AGAP1: variants seen among roughly 807,000 people sequenced by gnomAD.
AGAP1 encodes arf-GAP with GTPase, ANK repeat and PH domain-containing protein 1.
Under a neutral mutation model 105.3 loss-of-function variants are expected in AGAP1, and 29 were observed. The ratio of observed to expected loss-of-function variants is 0.28; its 90% confidence interval spans 0.21 to 0.38. The LOEUF is 0.38. Ranked by LOEUF, AGAP1 falls within the 10% of genes least tolerant of loss-of-function variation. AGAP1 has a pLI of 1.00. For missense variants in AGAP1, 998 were observed against 1,165.1 expected, an observed-to-expected ratio of 0.86 and a Z score of 2.09; for synonymous variants, 509 against 485.9, an observed-to-expected ratio of 1.05 and a Z score of -0.63.
chr2:236,028,481 A>G (rs958588217), intron 13 of AGAP1, among the ~76,000 whole-genome samples: 1 of 152,198 alleles, frequency 6.6e-6, no homozygotes, highest in African/African-American at 2.4e-5. Flanking sequence ...AGAGATAGAA[A>G]TATATGTCTA....
rs995758997 is a variant in AGAP1 at position 236,109,639 on chromosome 2, C to T, written c.2115-10553C>T. ...AGTGTCGGTGTTCTAGACCGGCAGC[C>T]GTGGGAACGTCCTAGTCGGCGGCAG... On this transcript the variant is annotated intron_variant, in intron 16 of 17. Transcript: ENST00000304032. This position sits in a 1 kb window ranked among gnomAD's most constrained non-coding sequence, Gnocchi z 5.4. 1.3e-5 allele frequency among the ~76,000 whole-genome samples: 2 copies of T among 152,150 alleles called. No individual in the cohort carries two copies. Among genetic ancestry groups the T allele is most frequent in the African/African-American group, 4.8e-5 (2 of 41,446 alleles).
intron 11 of AGAP1, among the ~76,000 whole-genome samples, chr2:235,922,980 C>T (rs1337683256): frequency 1.3e-5 from 2 of 152,180 alleles, no homozygotes; most frequent in Non-Finnish European, 2.9e-5. Flanking sequence ...CAAGGCAGCT[C>T]AGTAAGCACA....
chr2:235,703,463 C>T lies in AGAP1; in HGVS notation c.164-5716C>T, dbSNP rs533315662. On this transcript the variant is annotated intron_variant, in intron 1 of 17. Transcript: ENST00000304032. Reference sequence around the variant, plus strand: ...AGAGCTTCCTCTGTGGGTAGTTGGGCCCTTTCCCAGGCATCCTGCCACCTC... The same window carrying T: ...AGAGCTTCCTCTGTGGGTAGTTGGGTCCTTTCCCAGGCATCCTGCCACCTC... Among the ~76,000 whole-genome samples the T allele has an allele frequency of 5.9e-5, 9 of 152,236 alleles. No homozygotes were observed. The South Asian group carries it at 1.7e-3, about 28-fold the overall frequency.
At position 235,574,887 on chromosome 2, in the gene AGAP1, C is replaced by A. The variant is rs1464634109; in HGVS notation, c.163+80038C>A. Among the ~76,000 whole-genome samples the A allele has an allele frequency of 6.6e-6, 1 of 152,142 alleles. No homozygotes were observed. The highest frequency in any genetic ancestry group is 2.4e-5 in the African/African-American group (1 of 41,444). ...CGTGTAATTCTAGCACTTAGGGAGGCCGAGGCAAATGGATCACTTGAGCTC... is the reference window on the plus strand; with the variant it reads ...CGTGTAATTCTAGCACTTAGGGAGGACGAGGCAAATGGATCACTTGAGCTC... On this transcript the variant is annotated intron_variant, in intron 1 of 17. Transcript: ENST00000304032. The surrounding 1 kb of genome is among the most constrained non-coding windows in gnomAD (Gnocchi z 5.0).
At chr2:235,940,339 A>C (rs889471425) in intron 12 of AGAP1, among the ~76,000 whole-genome samples, 12 of 152,190 alleles carry the variant, frequency 7.9e-5, no homozygotes, top group Non-Finnish European at 1.3e-4. Context: ...TTTTAAAAAA[A>C]CAAAACATGA....
At chr2:235,898,347 A>G (rs1395952181) in intron 10 of AGAP1, among the ~76,000 whole-genome samples, 3 of 151,486 alleles carry the variant, frequency 2.0e-5, no homozygotes, top group Non-Finnish European at 4.4e-5. Flanking sequence ...CATCTTTTCC[A>G]GACGGCATTT....
intron 1 of AGAP1, among the ~76,000 whole-genome samples, chr2:235,638,273 G>C (rs1330319630): frequency 6.6e-6 from 1 of 152,136 alleles, no homozygotes; most frequent in African/African-American, 2.4e-5. Flanking sequence ...GGTTCGATCA[G>C]ATTACCCTGA....
chr2:235,531,841 A>G (rs566109099), intron 1 of AGAP1, among the ~76,000 whole-genome samples: 5 of 147,028 alleles, frequency 3.4e-5, no homozygotes, highest in Admixed American at 6.8e-5. Flanking sequence ...CGAACTCCTG[A>G]CCTTCGTTGA....
At chr2:235,567,559 G>T (rs1029994540) in intron 1 of AGAP1, among the ~76,000 whole-genome samples, 1 of 152,200 alleles carries the variant, frequency 6.6e-6, no homozygotes, top group Non-Finnish European at 1.5e-5. Context: ...CTTTTCATGG[G>T]TCTCAGGTCT....
intron 1 of AGAP1, among the ~76,000 whole-genome samples, chr2:235,514,395 G>A (rs894881307): frequency 4.6e-5 from 7 of 152,254 alleles, no homozygotes; most frequent in African/African-American, 1.7e-4. Context: ...AAATGGAAAT[G>A]GAGTTGCCTC....
rs1365972711 is a variant in AGAP1, at chr2:236,067,366, G to GA, written c.2114+18090dup. On this transcript the variant is annotated intron_variant, in intron 16 of 17. Coordinates refer to ENST00000304032, the MANE Select transcript of AGAP1 (RefSeq NM_001037131.3). The stretch of plus-strand genomic sequence containing the variant: ...GAAGTCATCTATTAGTTTTTTTAAG[G>GA]AAAAATCACTACGCTTTTAAAGGAG... Among the ~76,000 whole-genome samples the GA allele has an allele frequency of 3.9e-5, 6 of 152,108 alleles. 1 individual carries two copies. The highest frequency in any genetic ancestry group is 1.4e-4 in the African/African-American group (6 of 41,424).
In AGAP1 at chr2:235,659,518, T is replaced by A; in HGVS notation, c.164-49661T>A. Among the ~76,000 whole-genome samples, 1 of 152,124 alleles carries A rather than the reference T, an allele frequency of 6.6e-6. No individual in the cohort carries two copies. Among genetic ancestry groups the A allele is most frequent in the Non-Finnish European group, 1.5e-5 (1 of 68,028 alleles). ...GCAGTCAGGGTGCTATATGAACACA[T>A]GTTTTGTGGGTCACTTGCCAGGCGT... On this transcript the variant is annotated intron_variant, in intron 1 of 17. Coordinates refer to ENST00000304032, the MANE Select transcript of AGAP1 (RefSeq NM_001037131.3). The surrounding 1 kb of genome is among the most constrained non-coding windows in gnomAD (Gnocchi z 5.0).
At chr2:235,630,466 C>T (rs1332567095) in intron 1 of AGAP1, among the ~76,000 whole-genome samples, 1 of 152,318 alleles carries the variant, frequency 6.6e-6, no homozygotes, top group East Asian at 1.9e-4. Context: ...CTGCCTCGGC[C>T]TCCCAAAGTG....
At position 235,971,741 on chromosome 2, in the gene AGAP1, TTTTA is replaced by T. The variant is rs199729717; in HGVS notation, c.1645+3161_1645+3164del. On this transcript the variant is annotated intron_variant, in intron 13 of 17. Transcript: ENST00000304032. The surrounding 1 kb of genome is among the most constrained non-coding windows in gnomAD (Gnocchi z 4.8). ...ACTAAAGCTAGTTATATATGTTTTA[TTTTA>T]TTTATTTATTTATTTATTTATTTAT... is the stretch of plus-strand genomic sequence containing the variant. Among the ~76,000 whole-genome samples, 6,464 of 145,644 alleles carry T rather than the reference TTTTA, an allele frequency of 0.044. 143 individuals are homozygous for T. The highest frequency in any genetic ancestry group is 0.065 in the African/African-American group (2,523 of 38,858).
At chr2:235,727,819 T>A (rs1186925243) in intron 3 of AGAP1, among the ~76,000 whole-genome samples, 1 of 152,110 alleles carries the variant, frequency 6.6e-6, no homozygotes, top group African/African-American at 2.4e-5. Context: ...CAGGGTTCAA[T>A]GGTTTCCTCT....
At chr2:235,760,047 A>G (rs1477315935) in intron 6 of AGAP1, among the ~76,000 whole-genome samples, 2 of 152,218 alleles carry the variant, frequency 1.3e-5, no homozygotes, top group Admixed American at 1.3e-4. Context: ...TGGCACATCA[A>G]CTGAGACAAA....
At chr2:236,081,606 T>TA (rs1269846542) in intron 16 of AGAP1, among the ~76,000 whole-genome samples, 1 of 151,768 alleles carries the variant, frequency 6.6e-6, no homozygotes, top group Non-Finnish European at 1.5e-5. Flanking sequence ...TAAAACAACT[T>TA]ACAGTGAAAA....
intron 9 of AGAP1, among the ~76,000 whole-genome samples, chr2:235,812,124 A>G (rs1366841617): frequency 6.6e-6 from 1 of 152,002 alleles, no homozygotes; most frequent in Admixed American, 6.5e-5. Flanking sequence ...CCCTTTTGTG[A>G]TGCTCGGTGG....
At chr2:235,811,033 T>C (rs569172833) in intron 9 of AGAP1, among the ~76,000 whole-genome samples, 110 of 152,228 alleles carry the variant, frequency 7.2e-4, no homozygotes, top group African/African-American at 2.6e-3. Context: ...TTTGCATAAA[T>C]CTTGTTAAGT....
Sources: allele counts gnomAD v4.1 joint callset (sites outside exome capture counted in the v4.1 genomes callset), GRCh38; gene constraint gnomAD v4.1.1; non-coding constraint Gnocchi (gnomAD v3.1); transcripts MANE v1.5; gene names NCBI Gene and HGNC (gene_info 2026-07-23, HGNC 2026-07-21).